Variants in ORC5 observed in about 807,000 individuals in gnomAD.
The protein encoded by ORC5 is protein phosphatase 1, regulatory subunit 117.
Under a neutral mutation model 58.8 loss-of-function variants are expected in ORC5, and 39 were observed. The observed-to-expected ratio is 0.66, with a 90% confidence interval of 0.51 to 0.87. The LOEUF (loss-of-function observed/expected upper bound fraction) is 0.87. ORC5 is among the 40% of genes least tolerant of loss of function. ORC5 has a pLI of 0.00. For missense variants in ORC5, 493 were observed against 506.3 expected (o/e 0.97, Z 0.25); for synonymous variants, 218 against 177.6 (o/e 1.23, Z -1.81).
At chr7:104,140,800 G>GT (rs1181809893) in intron 12 of ORC5, among the ~76,000 whole-genome samples, 1 of 152,106 alleles carries the variant, frequency 6.6e-6, no homozygotes, top group Non-Finnish European at 1.5e-5. Context: ...TGCAACAAGA[G>GT]TTTTTTTCTC....
intron 6 of ORC5, 126 bp downstream of exon 6, chr7:104,188,125 T>C: frequency 1.0e-6 from 1 of 961,676 alleles, no homozygotes; most frequent in Non-Finnish European, 1.4e-6. Context: ...GAATAAAATT[T>C]CAGTTTCTAA....
At chr7:104,163,227 C>T (rs1323342719) in intron 11 of ORC5, among the ~76,000 whole-genome samples, 1 of 152,306 alleles carries the variant, frequency 6.6e-6, no homozygotes, top group South Asian at 2.1e-4. Context: ...AAGAAGACTA[C>T]ATTTCTCAGT....
chr7:104,187,611 G>C (rs951854871), intron 6 of ORC5: 1 of 284,690 alleles, frequency 3.5e-6, no homozygotes, highest in Non-Finnish European at 5.3e-6. Flanking sequence ...AGAAATTCTT[G>C]TCTCTTTCCT....
chr7:104,170,510 G>C lies in ORC5; in HGVS notation c.825-1985C>G, dbSNP rs564174138. The stretch of plus-strand genomic sequence containing the variant: ...AGATGGAGAATGGAACCACAAGCCA[G>C]GGAATGAAGGCAGCCTCTAGAAGTT... On this transcript the variant is annotated intron_variant, in intron 8 of 13. Transcript: ENST00000297431. Among the ~76,000 whole-genome samples the C allele has an allele frequency of 2.6e-5, 4 of 152,268 alleles. No homozygotes were observed. The South Asian group carries it at 8.3e-4, about 32-fold the overall frequency.
At chr7:104,169,317 G>A (rs56950098) in intron 8 of ORC5, among the ~76,000 whole-genome samples, 87,021 of 151,366 alleles carry the variant, frequency 0.57, 28,819 homozygotes, top group Non-Finnish European at 0.76. Context: ...TGCTTGCAGA[G>A]TTCAAGGTAT....
At chr7:104,204,584 T>C (rs942050568) in intron 1 of ORC5, among the ~76,000 whole-genome samples, 15 of 140,042 alleles carry the variant, frequency 1.1e-4, no homozygotes, top group Non-Finnish European at 2.2e-4. Flanking sequence ...CATTTTTATA[T>C]TACTCCTTCT....
intron 1 of ORC5, among the ~76,000 whole-genome samples, chr7:104,207,621 T>C (rs907793310): frequency 3.9e-5 from 6 of 152,206 alleles, no homozygotes; most frequent in East Asian, 3.8e-4. Flanking sequence ...CAACGTCCTA[T>C]AGTGCAGGCC....
intron 6 of ORC5, 139 bp from the exon 7 acceptor site, chr7:104,184,310 C>A (rs1799497269): frequency 8.0e-6 from 5 of 624,218 alleles, no homozygotes; most frequent in Admixed American, 6.2e-5. Flanking sequence ...TAATTATACG[C>A]AGTGGCATGT....
intron 13 of ORC5, among the ~76,000 whole-genome samples, chr7:104,135,699 G>A (rs1798577263): frequency 6.6e-6 from 1 of 152,206 alleles, no homozygotes; most frequent in Non-Finnish European, 1.5e-5. Context: ...TCAAGAAGCT[G>A]TAAAATTAAT....
intron 13 of ORC5, among the ~76,000 whole-genome samples, chr7:104,130,659 C>T (rs1798499364): frequency 6.6e-6 from 1 of 152,198 alleles, no homozygotes; most frequent in Admixed American, 6.5e-5. Flanking sequence ...CTCTTTCTTA[C>T]CTCCAATAAC....
At chr7:104,201,193 GAA>G (rs1799934917) in intron 2 of ORC5, among the ~76,000 whole-genome samples, 1 of 152,138 alleles carries the variant, frequency 6.6e-6, no homozygotes, top group African/African-American at 2.4e-5. Flanking sequence ...TGGTGGGAGA[GAA>G]GTTTGGATAT....
At chr7:104,180,803 TATC>T (rs1799417215) in intron 8 of ORC5, among the ~76,000 whole-genome samples, 1 of 152,022 alleles carries the variant, frequency 6.6e-6, no homozygotes. Flanking sequence ...AGATCTAATA[TATC>T]ATCAAGTCAT....
intron 12 of ORC5, among the ~76,000 whole-genome samples, chr7:104,159,371 A>C (rs1169678119): frequency 4.1e-5 from 6 of 145,288 alleles, no homozygotes; most frequent in Admixed American, 4.1e-4. Flanking sequence ...AGATATACCT[A>C]ATGCTAAATG....
At chr7:104,168,828 T>A (rs1166660393) in intron 8 of ORC5, among the ~76,000 whole-genome samples, 1 of 152,202 alleles carries the variant, frequency 6.6e-6, no homozygotes, top group Non-Finnish European at 1.5e-5. Context: ...ATGCCTGTAA[T>A]CCCAGCACTT....
chr7:104,131,120 C>A (rs529090457), intron 13 of ORC5, among the ~76,000 whole-genome samples: 110 of 152,318 alleles, frequency 7.2e-4, no homozygotes, highest in Non-Finnish European at 1.2e-4. Flanking sequence ...CAACAAACTG[C>A]TTTCCTTTCA....
At chr7:104,193,561 A>G (rs1047020509) in intron 5 of ORC5, among the ~76,000 whole-genome samples, 1 of 152,140 alleles carries the variant, frequency 6.6e-6, no homozygotes, top group Non-Finnish European at 1.5e-5. Flanking sequence ...ATCAGACACC[A>G]TATTCCTGAA....
intron 12 of ORC5, among the ~76,000 whole-genome samples, chr7:104,154,030 A>G (rs1186597618): frequency 6.6e-6 from 1 of 152,140 alleles, no homozygotes; most frequent in Non-Finnish European, 1.5e-5. Context: ...TTAAAAATCT[A>G]TAAAAGCAGT....
At chr7:104,149,949 T>C (rs1050220203) in intron 12 of ORC5, among the ~76,000 whole-genome samples, 4 of 152,240 alleles carry the variant, frequency 2.6e-5, no homozygotes, top group African/African-American at 9.6e-5. Context: ...ACAATATTTG[T>C]TTAATCTTTG....
chr7:104,205,351 G>A (rs1026828424), intron 1 of ORC5, among the ~76,000 whole-genome samples: 1 of 151,864 alleles, frequency 6.6e-6, no homozygotes, highest in Admixed American at 6.6e-5. Context: ...GCCTCCCAAA[G>A]TGCTGGGATT....
Sources: gnomAD v4.1 joint callset for allele counts (sites outside exome capture counted in the v4.1 genomes callset) on GRCh38, gnomAD v4.1.1 for gene constraint, MANE v1.5 for transcripts, NCBI Gene and HGNC (gene_info 2026-07-23, HGNC 2026-07-21) for gene names.